The following ZNF253 variants were observed in gnomAD, a reference collection of about 807,000 sequenced individuals.
The protein encoded by ZNF253 is zinc finger protein 253.
A neutral mutation model predicts 11.9 loss-of-function variants in ZNF253; 8 were observed. The observed-to-expected ratio is 0.67, with a 90% CI of 0.40 to 1.22. The LOEUF is 1.22. Among genes scored for constraint, ZNF253 ranks in the 50% most tolerant of loss-of-function variants. The pLI is 0.01. For synonymous variants in ZNF253, 194 were observed against 194.9 expected (o/e 1.00, Z 0.04); for missense variants, 485 against 586.9 (o/e 0.83, Z 1.79).
In ZNF253 at chr19:19,878,440, T is replaced by C. The variant is rs778448236; in HGVS notation, c.4-41T>C. The C allele has an allele frequency of 1.9e-5, 30 of 1,612,842 alleles. No homozygotes were observed. The East Asian group carries it at 6.7e-4, about 36-fold the overall frequency. On this transcript the variant is annotated intron_variant, in intron 1 of 3. Transcript: ENST00000589717. ...CCTTAAGTCAAATTAAAAATTCCTCTCATGCCATTTAGTAATTATGTGTGT... is the reference window on the plus strand; with the variant it reads ...CCTTAAGTCAAATTAAAAATTCCTCCCATGCCATTTAGTAATTATGTGTGT...
Position 19,891,567 on chromosome 19 carries a change from A to G in ZNF253, c.320A>G (p.His107Arg). The change falls in exon 4 of 4, where the codon CAT becomes CGT. Residue 107 changes from histidine (H) to arginine (R), a missense_variant. Physicochemically the swap from His to Arg is conservative, Grantham distance 29. Around this residue, in one of 3 missense-constraint regions of ZNF253, gnomAD observed 218 missense variants for 213.1 expected, o/e 1.02. Transcript: ENST00000589717. The part of the protein sequence containing the change: ...GMLRRYEECR[H>R]DNLQLKKGCK... ...CTGAGAAGATATGAAGAATGCAGAC[A>G]TGACAATTTACAGTTAAAAAAAGGC... 6.2e-7 allele frequency: 1 copy of G among 1,614,138 alleles called. No individual in the cohort carries two copies. The highest frequency in any genetic ancestry group is 8.5e-7 in the Non-Finnish European group (1 of 1,180,008).
intron 1 of ZNF253, among the ~76,000 whole-genome samples, chr19:19,874,908 TCAAACAAA>T (rs199740088): frequency 6.6e-6 from 1 of 152,114 alleles, no homozygotes; most frequent in Non-Finnish European, 1.5e-5. Context: ...AGACTCCATC[TCAAACAAA>T]CAAACAAACA....
intron 1 of ZNF253, among the ~76,000 whole-genome samples, chr19:19,869,251 G>T (rs1212092262): frequency 6.6e-6 from 1 of 152,124 alleles, no homozygotes; most frequent in African/African-American, 2.4e-5. Flanking sequence ...TACTGCAAAA[G>T]CAAGAACAGT....
chr19:19,872,406 C>T lies in ZNF253; in HGVS notation c.4-6075C>T, dbSNP rs1234284810. Among the ~76,000 whole-genome samples the T allele has an allele frequency of 4.0e-5, 6 of 151,736 alleles. No individual in the cohort carries two copies. The South Asian group carries it at 1.2e-3, about 31-fold the overall frequency. ...AATGTAAGTCCTTTTGATTATCAAA[C>T]TCAGAGAGACGTTGAAAATAAAGTG... On this transcript the variant is annotated intron_variant, in intron 1 of 3. Transcript: ENST00000589717.
intron 1 of ZNF253, among the ~76,000 whole-genome samples, chr19:19,868,014 T>G (rs899432720): frequency 3.9e-5 from 6 of 152,058 alleles, no homozygotes; most frequent in South Asian, 2.1e-4. Flanking sequence ...AAGCATCTAT[T>G]CATGTTTTTT....
intron 3 of ZNF253, among the ~76,000 whole-genome samples, chr19:19,887,757 T>G (rs1015606191): frequency 6.7e-6 from 1 of 148,694 alleles, no homozygotes; most frequent in Middle Eastern, 3.4e-3. Flanking sequence ...GCAAGTTGGA[T>G]CTTGATTTTT....
chr19:19,874,633 C>T (rs1164489888), intron 1 of ZNF253, among the ~76,000 whole-genome samples: 6 of 151,928 alleles, frequency 3.9e-5, no homozygotes, highest in African/African-American at 1.2e-4. Flanking sequence ...AGAAACAGGC[C>T]GGGCGCAGTG....
chr19:19,865,871 G>C, upstream of ZNF253: 1 of 1,234,614 alleles, frequency 8.1e-7, no homozygotes, highest in Non-Finnish European at 1.2e-6. Context: ...TCGCTGCAGC[G>C]GGAGCTCCAG....
At chr19:19,875,703 CTTT>C (rs1442665581) in intron 1 of ZNF253, among the ~76,000 whole-genome samples, 3 of 152,060 alleles carry the variant, frequency 2.0e-5, no homozygotes, top group African/African-American at 7.2e-5. Context: ...CCATTAAACT[CTTT>C]CTTTCTTTAT....
chr19:19,883,940 C>G (rs967063956), intron 3 of ZNF253, among the ~76,000 whole-genome samples: 1 of 151,770 alleles, frequency 6.6e-6, no homozygotes, highest in African/African-American at 2.4e-5. Flanking sequence ...GCCTATAATC[C>G]CAGCTCCTCG....
At chr19:19,880,292 T>TTTTTTTTG in intron 3 of ZNF253, 146 bp downstream of exon 3, 1 of 413,330 alleles carries the variant, frequency 2.4e-6, no homozygotes, top group South Asian at 2.8e-5. Context: ...TTTTTTTTTT[T>TTTTTTTTG]CTCCCACAAA....
chr19:19,876,566 T>C (rs1045566868), intron 1 of ZNF253, among the ~76,000 whole-genome samples: 1 of 152,088 alleles, frequency 6.6e-6, no homozygotes, highest in African/African-American at 2.4e-5. Flanking sequence ...GGGTGGACTT[T>C]TTCTGTGTTT....
At chr19:19,888,289 C>A (rs1262332207) in intron 3 of ZNF253, among the ~76,000 whole-genome samples, 1 of 152,152 alleles carries the variant, frequency 6.6e-6, no homozygotes, top group African/African-American at 2.4e-5. Context: ...GTCTTGGACT[C>A]CTGACCTCCA....
Position 19,893,011 on chromosome 19 carries a change from C to T in ZNF253, c.*264C>T, listed in dbSNP as rs1335322309. On this transcript the variant is annotated 3_prime_UTR_variant, in exon 4 of 4. Coordinates refer to ENST00000589717, the MANE Select transcript of ZNF253 (RefSeq NM_021047.3). ...TTTTTTTTTGAGATGGAGTTTCACT[C>T]TTGTCACCGAGGCTGGAGTGCAATG... 5.1e-6 allele frequency: 2 copies of T among 388,622 alleles called. No homozygotes were observed. Among genetic ancestry groups the T allele is most frequent in the Non-Finnish European group, 9.1e-6 (2 of 219,718 alleles). 24.1% of individuals were successfully genotyped at this position (388,622 alleles called of 1,614,324 possible). A position where few individuals can be genotyped will look rare whatever the true frequency, so the allele number is the denominator to read the frequency against.
intron 3 of ZNF253, among the ~76,000 whole-genome samples, chr19:19,881,920 G>A (rs1358605622): frequency 6.6e-6 from 1 of 151,666 alleles, no homozygotes; most frequent in Non-Finnish European, 1.5e-5. Flanking sequence ...TGGGCTCCCT[G>A]GCTCACACCT....
intron 3 of ZNF253, among the ~76,000 whole-genome samples, chr19:19,881,708 GT>G (rs1202008962): frequency 6.7e-6 from 1 of 150,224 alleles, no homozygotes; most frequent in Non-Finnish European, 1.5e-5. Context: ...TTAATTTTAT[GT>G]TTTGCTAATT....
chr19:19,879,510 T>TAAGCTAGGA (rs60595492), intron 2 of ZNF253, among the ~76,000 whole-genome samples: 2 of 151,836 alleles, frequency 1.3e-5, no homozygotes, highest in Non-Finnish European at 2.9e-5. Context: ...AACATTAAGT[T>TAAGCTAGGA]TGAGAAATGA....
chr19:19,890,187 G>A (rs1351721292), intron 3 of ZNF253, among the ~76,000 whole-genome samples: 4 of 152,118 alleles, frequency 2.6e-5, no homozygotes, highest in African/African-American at 9.7e-5. Flanking sequence ...ATGTTTTTAG[G>A]ATGTGTCTTG....
intron 1 of ZNF253, among the ~76,000 whole-genome samples, chr19:19,866,927 G>T (rs969993720): frequency 1.3e-5 from 2 of 152,032 alleles, no homozygotes; most frequent in African/African-American, 4.8e-5. Context: ...TACGGAGCGG[G>T]TGTCTAGGTA....
Sources: allele counts gnomAD v4.1 joint callset (sites outside exome capture counted in the v4.1 genomes callset), GRCh38; gene constraint gnomAD v4.1.1; regional missense constraint gnomAD v4.1.1; transcripts MANE v1.5; gene names NCBI Gene and HGNC (gene_info 2026-07-23, HGNC 2026-07-21).